FRMD4A: variants seen among roughly 807,000 people sequenced by gnomAD.
The protein encoded by FRMD4A is FERM domain-containing protein 4A.
In FRMD4A, 29 loss-of-function variants were observed where a neutral mutation model predicts 129.1. That is an observed-to-expected ratio of 0.22 (90% CI 0.17 to 0.31). The LOEUF is 0.31. Among genes scored for constraint, FRMD4A ranks in the 10% least tolerant of loss-of-function variants. The pLI is 1.00. For missense variants in FRMD4A, 1,272 were observed against 1,375.8 expected (o/e 0.92, Z 1.19); for synonymous variants, 634 against 571.6 (o/e 1.11, Z -1.56).
chr10:13,675,159 G>A, intron 15 of FRMD4A, 115 bp from the exon 16 acceptor site: 1 of 942,494 alleles, frequency 1.1e-6, no homozygotes, highest in Non-Finnish European at 1.7e-6. Flanking sequence ...AGGAATCAAG[G>A]GAGTGTGAAA....
At chr10:13,782,422 C>CATTATT (rs34523427) in intron 6 of FRMD4A, among the ~76,000 whole-genome samples, 3 of 146,336 alleles carry the variant, frequency 2.1e-5, no homozygotes, top group Non-Finnish European at 3.0e-5. Context: ...AAAGGAATCA[C>CATTATT]ATTATTATTA....
chr10:13,949,161 C>T (rs961776527), intron 2 of FRMD4A, among the ~76,000 whole-genome samples: 2 of 151,960 alleles, frequency 1.3e-5, no homozygotes, highest in African/African-American at 4.8e-5. Context: ...TGTGTAACCA[C>T]TTTTAAAGGC....
At chr10:14,164,408 A>C (rs1841064827) in intron 2 of FRMD4A, among the ~76,000 whole-genome samples, 1 of 152,186 alleles carries the variant, frequency 6.6e-6, no homozygotes, top group African/African-American at 2.4e-5. Flanking sequence ...CCTGCATCCC[A>C]GGCAACCCGG....
At position 14,271,031 on chromosome 10, in the gene FRMD4A, T is replaced by C. The variant is rs901738568; in HGVS notation, c.45+59027A>G. ...GGCCTCAGGAAGCTACCAATCATGG[T>C]AGAAGGCAAAGGAGAGCAAGTGTAA... On this transcript the variant is annotated intron_variant, in intron 2 of 24. Coordinates refer to ENST00000357447, the MANE Select transcript of FRMD4A (RefSeq NM_018027.5). Among the ~76,000 whole-genome samples the C allele has an allele frequency of 3.3e-5, 5 of 152,150 alleles. No individual in the cohort carries two copies. The South Asian group carries it at 1.0e-3, about 32-fold the overall frequency.
chr10:14,319,741 A>C (rs79724609), intron 2 of FRMD4A, among the ~76,000 whole-genome samples: 1 of 152,220 alleles, frequency 6.6e-6, no homozygotes, highest in Admixed American at 6.5e-5. Flanking sequence ...CCACTGCCAG[A>C]TCTGCCTCCC....
chr10:13,941,779 T>G (rs779482784), intron 2 of FRMD4A, among the ~76,000 whole-genome samples: 8 of 152,234 alleles, frequency 5.3e-5, no homozygotes, highest in Non-Finnish European at 1.0e-4. Context: ...ATGGCTTCCC[T>G]GACATCACTT....
intron 6 of FRMD4A, among the ~76,000 whole-genome samples, chr10:13,765,114 G>GTT (rs1202429085): frequency 1.2e-4 from 13 of 105,496 alleles, no homozygotes; most frequent in African/African-American, 1.5e-4. Flanking sequence ...TTTTTTTTTT[G>GTT]TTTTTTTTTT....
At chr10:14,041,826 T>G (rs970202989) in intron 2 of FRMD4A, among the ~76,000 whole-genome samples, 1 of 152,198 alleles carries the variant, frequency 6.6e-6, no homozygotes, top group Admixed American at 6.5e-5. Context: ...AAATATGAAT[T>G]GTGTCTTTAT....
Position 14,153,542 on chromosome 10 carries a change from T to G in FRMD4A, c.45+176516A>C, listed in dbSNP as rs1840444805. On this transcript the variant is annotated intron_variant, in intron 2 of 24. Transcript: ENST00000357447. ...TAAAATTGGAATAATTTGCCTTTCC[T>G]GCTGTAAGATGAGGCTACACCAGTG... 2.0e-5 allele frequency among the ~76,000 whole-genome samples: 3 copies of G among 152,194 alleles called. No individual in the cohort carries two copies. The South Asian group carries it at 6.2e-4, about 31-fold the overall frequency.
At chr10:13,750,113 A>AAAGAAAGAAAGAAAGAAAAG (rs1564739449) in intron 8 of FRMD4A, among the ~76,000 whole-genome samples, 1 of 108,160 alleles carries the variant, frequency 9.2e-6, no homozygotes, top group Non-Finnish European at 2.0e-5. Context: ...AGAAATGAAG[A>AAAGAAAGAAAGAAAGAAAAG]AAGAAAGAAA....
chr10:14,213,125 T>C (rs1444719596), intron 2 of FRMD4A, among the ~76,000 whole-genome samples: 1 of 151,934 alleles, frequency 6.6e-6, no homozygotes, highest in Non-Finnish European at 1.5e-5. Flanking sequence ...GTGCTTGGAG[T>C]CCCAGCTCCT....
At chr10:14,245,360 G>A (rs901494390) in intron 2 of FRMD4A, among the ~76,000 whole-genome samples, 35 of 152,312 alleles carry the variant, frequency 2.3e-4, no homozygotes, top group African/African-American at 8.2e-4. Flanking sequence ...AAATGCGGAT[G>A]ACCAAGGGAT....
chr10:14,252,304 G>A (rs541395653), intron 2 of FRMD4A, among the ~76,000 whole-genome samples: 7 of 152,230 alleles, frequency 4.6e-5, no homozygotes, highest in South Asian at 4.1e-4. Flanking sequence ...ACGTTGAAGC[G>A]ATATTATCAT....
At chr10:14,108,883 T>G (rs1837723406) in intron 2 of FRMD4A, among the ~76,000 whole-genome samples, 1 of 152,218 alleles carries the variant, frequency 6.6e-6, no homozygotes, top group African/African-American at 2.4e-5. Flanking sequence ...GCAAAATTCC[T>G]ATGGACTCCT....
chr10:13,747,045 T>A (rs570440370), intron 9 of FRMD4A, among the ~76,000 whole-genome samples: 1 of 152,058 alleles, frequency 6.6e-6, no homozygotes, highest in South Asian at 2.1e-4. Context: ...TTCTCCCACG[T>A]CTCAAAACCT....
At chr10:13,697,233 T>G (rs1474082224) in intron 14 of FRMD4A, among the ~76,000 whole-genome samples, 2 of 151,056 alleles carry the variant, frequency 1.3e-5, no homozygotes, top group African/African-American at 4.9e-5. Context: ...CTCAGCTCAC[T>G]GCAACCTCTG....
chr10:14,318,791 C>T (rs1846854409), intron 2 of FRMD4A, among the ~76,000 whole-genome samples: 1 of 152,172 alleles, frequency 6.6e-6, no homozygotes, highest in Non-Finnish European at 1.5e-5. Flanking sequence ...TGGCTTGAAA[C>T]ATGTCCTGAA....
At chr10:14,144,506 G>T (rs1426925212) in intron 2 of FRMD4A, among the ~76,000 whole-genome samples, 1 of 152,158 alleles carries the variant, frequency 6.6e-6, no homozygotes, top group Admixed American at 6.5e-5. Flanking sequence ...TATACAAACT[G>T]AAAATTGGAA....
chr10:13,833,529 T>C (rs2093823005), intron 3 of FRMD4A, among the ~76,000 whole-genome samples: 1 of 152,090 alleles, frequency 6.6e-6, no homozygotes, highest in African/African-American at 2.4e-5. Context: ...ACTCCTGACA[T>C]TCATGGGGCA....
Sources: gnomAD v4.1 joint callset for allele counts (sites outside exome capture counted in the v4.1 genomes callset) on GRCh38, gnomAD v4.1.1 for gene constraint, MANE v1.5 for transcripts, NCBI Gene and HGNC (gene_info 2026-07-23, HGNC 2026-07-21) for gene names.